KCNK10: variants seen among roughly 807,000 people sequenced by gnomAD.
KCNK10 encodes potassium channel subfamily K member 10.
KCNK10 carries 25 observed loss-of-function variants against 47.7 expected under a neutral mutation model. That is an observed-to-expected ratio of 0.52 (90% CI 0.38 to 0.73). The LOEUF (loss-of-function observed/expected upper bound fraction) is 0.73. KCNK10 is among the 30% of genes least tolerant of loss of function. The pLI, the probability that KCNK10 is intolerant of heterozygous loss-of-function variation, is 0.00. For missense variants in KCNK10, 563 were observed against 714.5 expected, an observed-to-expected ratio of 0.79 and a Z score of 2.42; for synonymous variants, 303 against 285.6, an observed-to-expected ratio of 1.06 and a Z score of -0.61.
chr14:88,255,537 A>AG (rs1886928600), intron 2 of KCNK10, among the ~76,000 whole-genome samples: 1 of 151,380 alleles, frequency 6.6e-6, no homozygotes, highest in African/African-American at 2.4e-5. Flanking sequence ...CTACCAAAAA[A>AG]AAAAAAAAAT....
chr14:88,198,892 C>CTTATTTTATTTCATTTTATTTTATT (rs1885008500), intron 4 of KCNK10, among the ~76,000 whole-genome samples: 1 of 135,286 alleles, frequency 7.4e-6, no homozygotes, highest in African/African-American at 2.7e-5. Context: ...TCTCCTTTGT[C>CTTATTTTATTTCATTTTATTTTATT]TTATTTTATT....
intron 3 of KCNK10, among the ~76,000 whole-genome samples, chr14:88,238,949 G>A (rs1283267820): frequency 6.6e-6 from 1 of 152,114 alleles, no homozygotes; most frequent in Non-Finnish European, 1.5e-5. Flanking sequence ...GGAACAGTCA[G>A]AACACACGGC....
At chr14:88,325,889 C>T (rs190785003), upstream of KCNK10, among the ~76,000 whole-genome samples, 3 of 152,076 alleles carry the variant, frequency 2.0e-5, no homozygotes, top group African/African-American at 4.8e-5. Flanking sequence ...TTATTTGGGG[C>T]CCTGAGTAGT....
At chr14:88,245,581 G>C (rs576474461) in intron 2 of KCNK10, among the ~76,000 whole-genome samples, 2 of 152,324 alleles carry the variant, frequency 1.3e-5, no homozygotes, top group South Asian at 2.1e-4. Flanking sequence ...TGGGATGAAT[G>C]ATGACCCACA....
intron 2 of KCNK10, among the ~76,000 whole-genome samples, chr14:88,250,327 C>T (rs1167910164): frequency 6.6e-6 from 1 of 152,190 alleles, no homozygotes; most frequent in Admixed American, 6.5e-5. Flanking sequence ...ATCTTGCACA[C>T]ATTGAAGCAT....
chr14:88,271,867 G>A (rs1389132178), intron 1 of KCNK10, among the ~76,000 whole-genome samples: 14 of 151,188 alleles, frequency 9.3e-5, no homozygotes, highest in Admixed American at 4.0e-4. Flanking sequence ...TTGTAAGCTC[G>A]ACAGTTTCCC....
intron 4 of KCNK10, among the ~76,000 whole-genome samples, chr14:88,195,484 G>A (rs958539323): frequency 6.6e-6 from 1 of 152,190 alleles, no homozygotes; most frequent in East Asian, 1.9e-4. Context: ...ATTGAGGAAT[G>A]TTCCCTCATA....
chr14:88,220,467 C>A (rs1441734995), intron 4 of KCNK10, among the ~76,000 whole-genome samples: 3 of 121,384 alleles, frequency 2.5e-5, no homozygotes, highest in African/African-American at 9.2e-5. Context: ...TACTATAGAG[C>A]GAAAGTAATC....
At chr14:88,215,850 G>A (rs1885600972) in intron 4 of KCNK10, among the ~76,000 whole-genome samples, 1 of 152,134 alleles carries the variant, frequency 6.6e-6, no homozygotes, top group Non-Finnish European at 1.5e-5. Flanking sequence ...TTCTATTTTA[G>A]GCAATGTTTG....
At chr14:88,316,776 T>G (rs1323134444) in intron 1 of KCNK10, among the ~76,000 whole-genome samples, 1 of 152,218 alleles carries the variant, frequency 6.6e-6, no homozygotes, top group Admixed American at 6.5e-5. Flanking sequence ...TCTTTCCATT[T>G]TATCATTAAA....
At chr14:88,273,315 C>T (rs1390074686) in intron 1 of KCNK10, among the ~76,000 whole-genome samples, 2 of 152,144 alleles carry the variant, frequency 1.3e-5, no homozygotes, top group Non-Finnish European at 2.9e-5. Context: ...TCTCCAGCAC[C>T]ATTCACAAGG....
chr14:88,297,382 C>G (rs1037932316), intron 1 of KCNK10, among the ~76,000 whole-genome samples: 1 of 152,196 alleles, frequency 6.6e-6, no homozygotes, highest in Admixed American at 6.5e-5. Context: ...AGTTTAGTGT[C>G]TACTTAATAG....
chr14:88,259,115 G>A (rs17124383), intron 2 of KCNK10, among the ~76,000 whole-genome samples: 9,525 of 152,200 alleles, frequency 0.063, 692 homozygotes, highest in East Asian at 0.31. Context: ...TGTGAAAACA[G>A]ACTATTTTTA....
chr14:88,304,658 CT>C (rs1888170753), intron 1 of KCNK10, among the ~76,000 whole-genome samples: 1 of 152,150 alleles, frequency 6.6e-6, no homozygotes, highest in South Asian at 2.1e-4. Flanking sequence ...ACATTTTGTG[CT>C]TTTTTGTTAG....
intron 5 of KCNK10, among the ~76,000 whole-genome samples, chr14:88,190,170 T>A (rs1250877723): frequency 6.6e-6 from 1 of 152,168 alleles, no homozygotes; most frequent in Non-Finnish European, 1.5e-5. Flanking sequence ...CCCAGGCCTC[T>A]GCTATTTGTG....
chr14:88,317,295 C>T (rs1888448413), intron 1 of KCNK10, among the ~76,000 whole-genome samples: 3 of 152,202 alleles, frequency 2.0e-5, no homozygotes, highest in Admixed American at 2.0e-4. Flanking sequence ...ATAAAGCTAG[C>T]ACTTAAGCAA....
rs1251764825 is a variant in KCNK10 at position 88,279,361 on chromosome 14, ATACGTGTGTGTG to A, written c.53-15822_53-15811del. Among the ~76,000 whole-genome samples the A allele has an allele frequency of 3.9e-5, 5 of 128,406 alleles. No individual in the cohort carries two copies. The East Asian group carries it at 1.2e-3, about 30-fold the overall frequency. The allele number at this position is 128,406 out of a possible 152,430, so 84.2% of individuals were successfully genotyped here. ...AGTTTAGTTAAGGGAGAATTGCCAG[ATACGTGTGTGTG>A]TGTGTGTGTGTGTGTGTGTGTGTGT... is the stretch of plus-strand genomic sequence containing the variant. On this transcript the variant is annotated intron_variant, in intron 1 of 6. Coordinates refer to ENST00000319231, the MANE Select transcript of KCNK10 (RefSeq NM_138317.3).
chr14:88,238,789 A>G (rs1017791700), intron 3 of KCNK10, among the ~76,000 whole-genome samples: 25 of 152,182 alleles, frequency 1.6e-4, no homozygotes, highest in African/African-American at 6.0e-4. Flanking sequence ...ACCAATCTTA[A>G]TTATTTCTAG....
At chr14:88,236,542 A>G (rs183924623) in intron 3 of KCNK10, among the ~76,000 whole-genome samples, 1 of 152,336 alleles carries the variant, frequency 6.6e-6, no homozygotes, top group East Asian at 1.9e-4. Flanking sequence ...AATGATATCT[A>G]ACTATAGAGC....
Sources: gnomAD v4.1 joint callset for allele counts (sites outside exome capture counted in the v4.1 genomes callset) on GRCh38, gnomAD v4.1.1 for gene constraint, MANE v1.5 for transcripts, NCBI Gene and HGNC (gene_info 2026-07-23, HGNC 2026-07-21) for gene names.